Variants in TMEM71 observed in about 807,000 individuals in gnomAD.
The protein encoded by TMEM71 is transmembrane protein 71.
A neutral mutation model predicts 38.0 loss-of-function variants in TMEM71; 44 were observed. The ratio of observed to expected loss-of-function variants is 1.16; its 90% CI spans 0.91 to 1.49. The LOEUF (loss-of-function observed/expected upper bound fraction) is 1.49. Among genes scored for constraint, TMEM71 ranks in the 40% most tolerant of loss-of-function variants. The probability of loss-of-function intolerance (pLI) is 0.00; values close to 1 mark genes in which losing one functional copy is unlikely to be tolerated. For missense variants in TMEM71, 367 were observed against 348.6 expected, an observed-to-expected ratio of 1.05 and a Z score of -0.42; for synonymous variants, 133 against 122.5, an observed-to-expected ratio of 1.09 and a Z score of -0.56.
intron 8 of TMEM71, 38 bp downstream of exon 8, chr8:132,714,116 C>T: frequency 6.2e-7 from 1 of 1,607,690 alleles, no homozygotes; most frequent in South Asian, 1.1e-5. Flanking sequence ...GAATGAAATA[C>T]AGGCATCATT....
At position 132,714,225 on chromosome 8, in the gene TMEM71, C is replaced by T. The variant is rs756359681; in HGVS notation, c.753-10G>A. On this transcript the variant is annotated splice_polypyrimidine_tract_variant and intron_variant, in intron 7 of 9. Coordinates refer to ENST00000677595, the MANE Select transcript of TMEM71 (RefSeq NM_001382403.1). ...TTCTCCCATAAACCATCTGAAACAA[C>T]AAGATTGCTCTGATTTAGCATACTA... The T allele has an allele frequency of 1.2e-6, 2 of 1,604,698 alleles. No homozygotes were observed. Among genetic ancestry groups the T allele is most frequent in the South Asian group, 1.1e-5 (1 of 90,840 alleles).
At chr8:132,713,810 T>C (rs1213046323) in intron 9 of TMEM71, among the ~76,000 whole-genome samples, 185 bp downstream of exon 9, 1 of 152,258 alleles carries the variant, frequency 6.6e-6, no homozygotes, top group Non-Finnish European at 1.5e-5. Context: ...ATTATTTTGA[T>C]GTAAAAATTT....
At chr8:132,753,034 T>C (rs1394656263) in intron 3 of TMEM71, among the ~76,000 whole-genome samples, 1 of 152,058 alleles carries the variant, frequency 6.6e-6, no homozygotes, top group East Asian at 1.9e-4. Flanking sequence ...TATGTGTTCT[T>C]TCTTCAAAAC....
At chr8:132,724,999 C>T (rs1292448468) in intron 6 of TMEM71, among the ~76,000 whole-genome samples, 1 of 152,080 alleles carries the variant, frequency 6.6e-6, no homozygotes, top group Non-Finnish European at 1.5e-5. Context: ...CCAGGATCCA[C>T]CATGTATGGA....
intron 7 of TMEM71, among the ~76,000 whole-genome samples, chr8:132,716,729 CT>C (rs1213903697): frequency 6.6e-6 from 1 of 152,118 alleles, no homozygotes; most frequent in Non-Finnish European, 1.5e-5. Flanking sequence ...AATGCTTGTA[CT>C]TTATAGTTAT....
chr8:132,714,012 T>C lies in TMEM71; in HGVS notation c.855A>G (p.Lys285=). 3 of 1,613,990 alleles carry C rather than the reference T, an allele frequency of 1.9e-6. No individual in the cohort carries two copies. Among genetic ancestry groups the C allele is most frequent in the Non-Finnish European group, 2.5e-6 (3 of 1,179,910 alleles). ...ACACTTACCGAGCACAGGCAGTGGT[T>C]TTGAAATAGCTGGCAAGGCTGAGAA... is the stretch of plus-strand genomic sequence containing the variant. ...SLFLSLASYF[K]TTACARFVKI is the part of the protein sequence containing the mutation. Residue 285 remains lysine (K), a synonymous_variant, in exon 9 of 10, where the codon AAA becomes AAG. Transcript: ENST00000677595.
At chr8:132,730,103 C>T (rs1310414566) in intron 5 of TMEM71, among the ~76,000 whole-genome samples, 1 of 152,112 alleles carries the variant, frequency 6.6e-6, no homozygotes, top group Non-Finnish European at 1.5e-5. Context: ...GGATTACAGG[C>T]ATGTGCCACC....
At chr8:132,742,298 A>G (rs1393462899) in intron 5 of TMEM71, among the ~76,000 whole-genome samples, 1 of 152,122 alleles carries the variant, frequency 6.6e-6, no homozygotes, top group African/African-American at 2.4e-5. Flanking sequence ...CGGCGCCTGG[A>G]TGGCTTGCCG....
At chr8:132,712,427 C>T (rs909673827) in intron 9 of TMEM71, among the ~76,000 whole-genome samples, 2 of 152,028 alleles carry the variant, frequency 1.3e-5, no homozygotes, top group Admixed American at 6.5e-5. Flanking sequence ...TGATATAACC[C>T]CTGCAGATCG....
intron 5 of TMEM71, among the ~76,000 whole-genome samples, chr8:132,734,819 T>A (rs1393782440): frequency 2.0e-5 from 3 of 152,250 alleles, no homozygotes; most frequent in Non-Finnish European, 4.4e-5. Flanking sequence ...GTTGAAGGTA[T>A]CTATTTCATT....
chr8:132,738,238 T>G (rs1436507771), intron 5 of TMEM71, among the ~76,000 whole-genome samples: 1 of 152,194 alleles, frequency 6.6e-6, no homozygotes, highest in African/African-American at 2.4e-5. Context: ...AAAAGCTGGT[T>G]CTAGGATTTG....
rs529609344 is a variant in TMEM71 at position 132,751,113 on chromosome 8, G to A, written c.314+672C>T. 2.2e-4 allele frequency among the ~76,000 whole-genome samples: 34 copies of A among 152,130 alleles called. 1 individual carries two copies. The highest frequency in any genetic ancestry group is 6.2e-4 in the South Asian group (3 of 4,822). Reference sequence around the variant, plus strand: ...TAAATCTGATAATTTATCAATGCCTGCTCCCTCTTTATCTATAGAGTACTG... The same window carrying A: ...TAAATCTGATAATTTATCAATGCCTACTCCCTCTTTATCTATAGAGTACTG... On this transcript the variant is annotated intron_variant, in intron 4 of 9. Transcript: ENST00000677595.
intron 6 of TMEM71, among the ~76,000 whole-genome samples, chr8:132,723,762 A>G (rs1826978269): frequency 6.6e-6 from 1 of 152,090 alleles, no homozygotes; most frequent in East Asian, 1.9e-4. Context: ...AGGTGAAGTG[A>G]CTGATTTTTT....
chr8:132,731,641 G>A (rs187835979), intron 5 of TMEM71, among the ~76,000 whole-genome samples: 16 of 152,256 alleles, frequency 1.1e-4, no homozygotes, highest in African/African-American at 3.9e-4. Flanking sequence ...ATAGCAAGAG[G>A]GCCTCTGGGA....
chr8:132,742,293 C>T (rs1055069410), intron 5 of TMEM71, among the ~76,000 whole-genome samples: 1 of 152,172 alleles, frequency 6.6e-6, no homozygotes, highest in Non-Finnish European at 1.5e-5. Flanking sequence ...TGCCTCGGCG[C>T]CTGGATGGCT....
intron 5 of TMEM71, among the ~76,000 whole-genome samples, chr8:132,743,048 C>A (rs1834435): frequency 5.9e-5 from 9 of 152,108 alleles, no homozygotes; most frequent in African/African-American, 2.2e-4. Context: ...AGACCTGCCC[C>A]CATGATTCAA....
chr8:132,747,066 G>T lies in TMEM71; in HGVS notation c.363C>A (p.Phe121Leu), dbSNP rs1303330278. The change falls in exon 5 of 10, where the codon TTC (phenylalanine) becomes TTA (leucine). Residue 121 changes from phenylalanine to leucine, a missense_variant. Physicochemically the swap from Phe to Leu is conservative, Grantham distance 22. Coordinates refer to ENST00000677595, the MANE Select transcript of TMEM71 (RefSeq NM_001382403.1). ...GCCAAGATTTGGAGGTACTGAGGTT[G>T]AAGAGAGAAGAAAAGGAATGGCAGA... The part of the protein sequence containing the change: ...KRICHSFSSL[F>L]NLSTSKSWLH... The T allele has an allele frequency of 6.2e-7, 1 of 1,612,760 alleles. No homozygotes were observed.
At chr8:132,732,486 G>A (rs1212274045) in intron 5 of TMEM71, among the ~76,000 whole-genome samples, 1 of 152,116 alleles carries the variant, frequency 6.6e-6, no homozygotes, top group African/African-American at 2.4e-5. Flanking sequence ...GATTCTGTCT[G>A]GGCTGCTAAG....
the TMEM71 span, among the ~76,000 whole-genome samples, chr8:132,768,467 C>A: frequency 1.3e-5 from 2 of 152,080 alleles, no homozygotes; most frequent in Non-Finnish European, 2.9e-5. Context: ...TAGGATATTT[C>A]CCGCAACTAG....
Sources: allele counts gnomAD v4.1 joint callset (sites outside exome capture counted in the v4.1 genomes callset), GRCh38; gene constraint gnomAD v4.1.1; transcripts MANE v1.5; gene names NCBI Gene and HGNC (gene_info 2026-07-23, HGNC 2026-07-21).